PDE4B: variants seen among roughly 807,000 people sequenced by gnomAD.
PDE4B encodes phosphodiesterase 4B.
PDE4B carries 20 observed loss-of-function variants against 82.2 expected under a neutral mutation model. The observed-to-expected ratio is 0.24, with a 90% CI of 0.17 to 0.35. The LOEUF is 0.35. Ranked by LOEUF, PDE4B falls within the 10% of genes least tolerant of loss-of-function variation. The pLI is 1.00. For synonymous variants in PDE4B, 320 were observed against 318.9 expected (o/e 1.00, Z -0.04); for missense variants, 655 against 907.2 (o/e 0.72, Z 3.57).
intron 7 of PDE4B, among the ~76,000 whole-genome samples, chr1:66,319,627 T>G (rs1282788993): frequency 6.6e-6 from 1 of 152,218 alleles, no homozygotes; most frequent in Non-Finnish European, 1.5e-5. Context: ...AGGTTCTACA[T>G]TTTCTAGTTA....
At chr1:66,304,592 A>T (rs1054047668) in intron 7 of PDE4B, among the ~76,000 whole-genome samples, 1 of 152,056 alleles carries the variant, frequency 6.6e-6, no homozygotes, top group Non-Finnish European at 1.5e-5. Flanking sequence ...ACTTAGTCCA[A>T]TTCTACCCAT....
intron 1 of PDE4B, among the ~76,000 whole-genome samples, chr1:65,887,805 A>AT (rs372075110): frequency 7.9e-5 from 12 of 151,532 alleles, no homozygotes; most frequent in Admixed American, 3.3e-4. Flanking sequence ...TTTCAATGAG[A>AT]TTTTTTTTAA....
chr1:65,891,992 A>C (rs4353064), intron 1 of PDE4B, among the ~76,000 whole-genome samples: 27,679 of 151,904 alleles, frequency 0.18, 2,975 homozygotes, highest in South Asian at 0.38. Flanking sequence ...AATAAAGCTG[A>C]TCTATTAATC....
chr1:65,878,625 T>A (rs1304657242), intron 1 of PDE4B, among the ~76,000 whole-genome samples: 1 of 151,912 alleles, frequency 6.6e-6, no homozygotes, highest in Non-Finnish European at 1.5e-5. Flanking sequence ...GCAAATTAAC[T>A]CAGGAACAGA....
At chr1:66,021,720 T>G (rs1653128993) in intron 3 of PDE4B, among the ~76,000 whole-genome samples, 1 of 152,214 alleles carries the variant, frequency 6.6e-6, no homozygotes. Flanking sequence ...TGTAGCCTTG[T>G]AGTATAGTTT....
At chr1:65,992,836 C>A in intron 3 of PDE4B, 2 of 1,552,614 alleles carry the variant, frequency 1.3e-6, no homozygotes. Context: ...AGTCTTCTGA[C>A]CTGCAGCAGT....
intron 3 of PDE4B, among the ~76,000 whole-genome samples, chr1:66,051,210 T>C (rs1655008417): frequency 6.6e-6 from 1 of 151,798 alleles, no homozygotes; most frequent in Admixed American, 6.6e-5. Flanking sequence ...AGTATAATAA[T>C]AATAAAATTA....
At chr1:65,851,986 T>C (rs766574952) in intron 1 of PDE4B, among the ~76,000 whole-genome samples, 4 of 152,038 alleles carry the variant, frequency 2.6e-5, no homozygotes, top group Non-Finnish European at 4.4e-5. Flanking sequence ...GAGATGAATG[T>C]GTTTTAATAT....
At chr1:66,298,431 C>T (rs1363245903) in intron 7 of PDE4B, among the ~76,000 whole-genome samples, 1 of 152,104 alleles carries the variant, frequency 6.6e-6, no homozygotes, top group African/African-American at 2.4e-5. Flanking sequence ...TTTCTGGAAC[C>T]CCTACTATGT....
At chr1:66,207,653 AG>A (rs36023366) in intron 3 of PDE4B, among the ~76,000 whole-genome samples, 1 of 152,192 alleles carries the variant, frequency 6.6e-6, no homozygotes, top group East Asian at 1.9e-4. Context: ...TGATACACAA[AG>A]GGGAAAAAAA....
At chr1:66,027,979 C>A (rs977126953) in intron 3 of PDE4B, among the ~76,000 whole-genome samples, 1 of 152,194 alleles carries the variant, frequency 6.6e-6, no homozygotes, top group South Asian at 2.1e-4. Flanking sequence ...ATTCTAGTGT[C>A]TGGAGGATGG....
chr1:65,856,602 G>T (rs1410595891), intron 1 of PDE4B, among the ~76,000 whole-genome samples: 1 of 152,124 alleles, frequency 6.6e-6, no homozygotes, highest in African/African-American at 2.4e-5. Flanking sequence ...TGGGTTGGTT[G>T]CAAGTCTTTG....
chr1:66,365,757 A>G lies in PDE4B; in HGVS notation c.1375A>G (p.Ile459Val), dbSNP rs1663196493. ...DHPGVSNQFL[I>V]NTNSELALMY... is the part of the protein sequence containing the mutation. The stretch of plus-strand genomic sequence containing the variant: ...TCCTGGAGTCTCCAATCAGTTTCTC[A>G]TCAACACAAGTGAGTTCACCACTAC... Residue 459 changes from isoleucine to valine, a missense_variant, in exon 13 of 17, where the codon ATC becomes GTC. Ile to Val is a conservative substitution (Grantham distance 29). This residue lies in a region of PDE4B where 283 missense variants were observed against 516.4 expected (regional missense o/e 0.55). Transcript: ENST00000341517. 1 of 1,587,290 alleles carries G rather than the reference A, an allele frequency of 6.3e-7. No homozygotes were observed. The highest frequency in any genetic ancestry group is 8.6e-7 in the Non-Finnish European group (1 of 1,158,226).
chr1:66,242,367 C>G (rs1005588277), intron 3 of PDE4B, among the ~76,000 whole-genome samples: 14 of 152,166 alleles, frequency 9.2e-5, no homozygotes, highest in Admixed American at 7.8e-4. Context: ...ATTGAGACAG[C>G]AAGAGCTCTC....
At chr1:65,859,205 A>G (rs1478637089) in intron 1 of PDE4B, among the ~76,000 whole-genome samples, 1 of 152,100 alleles carries the variant, frequency 6.6e-6, no homozygotes, top group Non-Finnish European at 1.5e-5. Flanking sequence ...CTATTTCATT[A>G]TATAAAATAA....
At chr1:66,024,190 C>T (rs1157383017) in intron 3 of PDE4B, among the ~76,000 whole-genome samples, 2 of 152,060 alleles carry the variant, frequency 1.3e-5, no homozygotes, top group African/African-American at 4.8e-5. Flanking sequence ...GATAGAAAAA[C>T]AATCAATAAT....
intron 3 of PDE4B, among the ~76,000 whole-genome samples, chr1:66,020,437 T>C (rs950920735): frequency 6.6e-6 from 1 of 152,144 alleles, no homozygotes; most frequent in Non-Finnish European, 1.5e-5. Flanking sequence ...TTATATTAGG[T>C]ATATCTCCTA....
At chr1:65,807,070 G>T (rs1645762721) in intron 1 of PDE4B, among the ~76,000 whole-genome samples, 1 of 152,144 alleles carries the variant, frequency 6.6e-6, no homozygotes, top group Non-Finnish European at 1.5e-5. Context: ...AAACAGAAAT[G>T]GCAAGAATCC....
chr1:66,221,498 C>T (rs1288501931), intron 3 of PDE4B, among the ~76,000 whole-genome samples: 1 of 152,124 alleles, frequency 6.6e-6, no homozygotes, highest in Non-Finnish European at 1.5e-5. Flanking sequence ...ACATATTCAA[C>T]TTAACCTTTG....
Sources: gnomAD v4.1 joint callset for allele counts (sites outside exome capture counted in the v4.1 genomes callset) on GRCh38, gnomAD v4.1.1 for gene constraint, gnomAD v4.1.1 regional missense constraint, MANE v1.5 for transcripts, NCBI Gene and HGNC (gene_info 2026-07-23, HGNC 2026-07-21) for gene names.